The following PC variants were observed in gnomAD, a reference collection of about 807,000 sequenced individuals.
PC encodes the protein pyruvate carboxylase, mitochondrial.
PC carries 46 observed loss-of-function variants against 107.8 expected under a neutral mutation model. The ratio of observed to expected loss-of-function variants is 0.43; its 90% confidence interval spans 0.34 to 0.55. The LOEUF is 0.55. Ranked by LOEUF, PC falls within the 20% of genes least tolerant of loss-of-function variation. The pLI, the probability that PC is intolerant of heterozygous loss-of-function variation, is 0.04. For synonymous variants in PC, 662 were observed against 684.7 expected (o/e 0.97, Z 0.52); for missense variants, 1,241 against 1,643.1 (o/e 0.76, Z 4.23).
At chr11:66,862,132 C>T (rs755571969) in intron 12 of PC, among the ~76,000 whole-genome samples, 17 of 152,152 alleles carry the variant, frequency 1.1e-4, no homozygotes, top group Admixed American at 2.6e-4. Flanking sequence ...AGGACATCCC[C>T]GCCAGGACAC....
intron 3 of PC, among the ~76,000 whole-genome samples, chr11:66,900,075 C>CT (rs1386844309): frequency 6.6e-6 from 1 of 151,838 alleles, no homozygotes; most frequent in Admixed American, 6.6e-5. Context: ...ATTCTGGGCT[C>CT]TCAGTTCTAT....
chr11:66,871,624 C>G lies in PC; in HGVS notation c.321+63G>C, dbSNP rs1051420966. 1.9e-6 allele frequency: 3 copies of G among 1,560,944 alleles called. No individual in the cohort carries two copies. In the African/African-American group the frequency reaches 4.1e-5, roughly 21 times the overall value. On this transcript the variant is annotated intron_variant, in intron 5 of 22. Coordinates refer to ENST00000393960, the MANE Select transcript of PC (RefSeq NM_001040716.2). The surrounding 1 kb of genome is among the most constrained non-coding windows in gnomAD (Gnocchi z 7.4). ...GCTGAGCACGCCAGCCTCAAGAGAC[C>G]CCCGCGGCAACTAAGACTCCCTGGT...
intron 3 of PC, among the ~76,000 whole-genome samples, chr11:66,938,618 C>T (rs577431635): frequency 6.6e-6 from 1 of 152,030 alleles, no homozygotes; most frequent in Admixed American, 6.6e-5. Flanking sequence ...ATTTTTTAAA[C>T]ACATAATTTT....
chr11:66,898,014 G>A (rs1947816809), intron 3 of PC, among the ~76,000 whole-genome samples: 1 of 152,238 alleles, frequency 6.6e-6, no homozygotes, highest in Non-Finnish European at 1.5e-5. Context: ...AATTAAGGCT[G>A]CCCAGCTCCA....
At chr11:66,934,694 C>T (rs761301177) in intron 3 of PC, among the ~76,000 whole-genome samples, 7 of 152,142 alleles carry the variant, frequency 4.6e-5, no homozygotes, top group Admixed American at 1.3e-4. Flanking sequence ...TGCAATGGCA[C>T]GATCTTGGCT....
Position 66,894,425 on chromosome 11 carries a change from A to G in PC, c.1-22266T>C, listed in dbSNP as rs550728597. On this transcript the variant is annotated intron_variant, in intron 3 of 22. Coordinates refer to ENST00000393960, the MANE Select transcript of PC (RefSeq NM_001040716.2). ...CTGCTCCTGTCTCAGGTATGCATCT[A>G]ATTTTTCTCCCTCCCTTATGAAATC... 2.0e-5 allele frequency among the ~76,000 whole-genome samples: 3 copies of G among 152,322 alleles called. No individual in the cohort carries two copies. In the East Asian group the frequency reaches 5.8e-4, roughly 29 times the overall value.
rs1190212614 is a variant in PC, at chr11:66,853,281, G to A, written c.1471C>T (p.Arg491Trp). The change falls in exon 13 of 23, where the codon CGG (arginine) becomes TGG (tryptophan). Residue 491 changes from arginine to tryptophan, a missense_variant. Arg to Trp is a moderately radical substitution (Grantham distance 101). Coordinates refer to ENST00000393960, the MANE Select transcript of PC (RefSeq NM_001040716.2). ...TTTTGGGCCCGGTTCTGTGCAGGCC[G>A]CAGCTGGAACAGCTCTGGGTTCTCG... ...IDENPELFQL[R>W]PAQNRAQKLL... The A allele has an allele frequency of 3.1e-6, 5 of 1,613,974 alleles. No individual in the cohort carries two copies. The highest frequency in any genetic ancestry group is 4.2e-6 in the Non-Finnish European group (5 of 1,180,010).
At chr11:66,943,893 G>A (rs1473523080) in intron 3 of PC, among the ~76,000 whole-genome samples, 1 of 146,946 alleles carries the variant, frequency 6.8e-6, no homozygotes, top group Non-Finnish European at 1.5e-5. Context: ...CTGAGGCAGA[G>A]AATCTCTTGA....
chr11:66,872,603 C>T (rs879748937), intron 3 of PC, among the ~76,000 whole-genome samples: 19 of 151,470 alleles, frequency 1.3e-4, no homozygotes, highest in Non-Finnish European at 2.2e-4. Context: ...GGCGTGGTGG[C>T]GGGCATCTGT....
intron 3 of PC, among the ~76,000 whole-genome samples, chr11:66,951,483 C>T (rs977080505): frequency 6.6e-6 from 1 of 152,088 alleles, no homozygotes; most frequent in African/African-American, 2.4e-5. Flanking sequence ...AGGCCGGACG[C>T]GCTGGCTCAC....
intron 3 of PC, among the ~76,000 whole-genome samples, chr11:66,886,744 A>C (rs1166264077): frequency 6.6e-6 from 1 of 152,194 alleles, no homozygotes; most frequent in Admixed American, 6.5e-5. Context: ...GGGTAGAAAC[A>C]GTGACTCAGC....
intron 3 of PC, among the ~76,000 whole-genome samples, chr11:66,876,006 G>T (rs1946963324): frequency 6.6e-6 from 1 of 152,128 alleles, no homozygotes; most frequent in African/African-American, 2.4e-5. Flanking sequence ...TAACTGGCTT[G>T]GACTCTTCAA....
intron 3 of PC, among the ~76,000 whole-genome samples, chr11:66,908,222 G>C (rs1278868948): frequency 6.6e-6 from 1 of 152,172 alleles, no homozygotes; most frequent in Non-Finnish European, 1.5e-5. Context: ...CCTAAGGAAA[G>C]GAGCAGAAGA....
intron 12 of PC, chr11:66,859,611 C>T: frequency 6.2e-7 from 1 of 1,612,196 alleles, no homozygotes; most frequent in Non-Finnish European, 8.5e-7. Context: ...CAGCCCCGGG[C>T]TCTGACCACC....
Position 66,849,674 on chromosome 11 carries a change from G to C in PC, c.3084C>G (p.Gly1028=). 2 of 1,614,202 alleles carry C rather than the reference G, an allele frequency of 1.2e-6. No homozygotes were observed. The highest frequency in any genetic ancestry group is 8.5e-7 in the Non-Finnish European group (1 of 1,180,032). Residue 1028 remains glycine (G), a synonymous_variant, in exon 21 of 23, where the codon GGC becomes GGG. Transcript: ENST00000393960. The stretch of plus-strand genomic sequence containing the variant: ...GGCGAGTATTCAGGCTATCCAGGGG[G>C]CCAAAGGTGGCAGTGAAGTCCTTGA... ...AHFKDFTATF[G]PLDSLNTRLF... is the part of the protein sequence containing the mutation.
Position 66,944,345 on chromosome 11 carries a change from A to G in PC, c.-1+8085T>C, listed in dbSNP as rs1443880169. On this transcript the variant is annotated intron_variant, in intron 3 of 22. Transcript: ENST00000393960. The stretch of plus-strand genomic sequence containing the variant: ...TGTAATCCCAGCACTTTGGGAGGCC[A>G]AGGCAGGCGGATCACTTGAGGTCAG... 8.2e-4 allele frequency among the ~76,000 whole-genome samples: 94 copies of G among 115,086 alleles called. 24 individuals are homozygous for G. The highest frequency in any genetic ancestry group is 1.2e-3 in the Admixed American group (15 of 12,266). 75.5% of individuals were successfully genotyped at this position (115,086 alleles called of 152,430 possible).
At chr11:66,898,298 G>A (rs888335630) in intron 3 of PC, among the ~76,000 whole-genome samples, 4 of 152,148 alleles carry the variant, frequency 2.6e-5, no homozygotes, top group South Asian at 2.1e-4. Context: ...TCTTTTAGCC[G>A]ACTGCGCTGC....
At chr11:66,927,060 G>A (rs1396900923) in intron 3 of PC, among the ~76,000 whole-genome samples, 4 of 148,038 alleles carry the variant, frequency 2.7e-5, no homozygotes, top group Admixed American at 7.0e-5. Context: ...GCATGATCTC[G>A]GCTCACTGCA....
rs780105459 is a variant in PC at position 66,860,106 on chromosome 11, C to T, written c.1368+3668G>A. 5.2e-6 allele frequency: 8 copies of T among 1,551,406 alleles called. No homozygotes were observed. The Admixed American group carries it at 5.9e-5, about 11-fold the overall frequency. On this transcript the variant is annotated intron_variant, in intron 12 of 22. Coordinates refer to ENST00000393960, the MANE Select transcript of PC (RefSeq NM_001040716.2). Reference sequence around the variant, plus strand: ...GCGCCTGGGAGGAGCTTGGGCCCGACGGAGCCACTCTGTGCATGGGGGGCT... The same window carrying T: ...GCGCCTGGGAGGAGCTTGGGCCCGATGGAGCCACTCTGTGCATGGGGGGCT...
Sources: gnomAD v4.1 joint callset for allele counts (sites outside exome capture counted in the v4.1 genomes callset) on GRCh38, gnomAD v4.1.1 for gene constraint, Gnocchi (gnomAD v3.1) non-coding constraint, MANE v1.5 for transcripts, NCBI Gene and HGNC (gene_info 2026-07-23, HGNC 2026-07-21) for gene names.